The following LDAH variants were observed in gnomAD, a reference collection of about 807,000 sequenced individuals.
LDAH encodes lipid droplet associated hydrolase.
A neutral mutation model predicts 29.6 loss-of-function variants in LDAH; 26 were observed. That is an observed-to-expected ratio of 0.88 (90% CI 0.64 to 1.22). The LOEUF is 1.22. Among genes scored for constraint, LDAH ranks in the 50% most tolerant of loss-of-function variants. The pLI, the probability that LDAH is intolerant of heterozygous loss-of-function variation, is 0.00. For missense variants in LDAH, 344 were observed against 387.3 expected (o/e 0.89, Z 0.94); for synonymous variants, 117 against 133.0 (o/e 0.88, Z 0.83).
At chr2:20,789,185 C>A (rs1269360027) in intron 3 of LDAH, 8 of 1,550,540 alleles carry the variant, frequency 5.2e-6, no homozygotes, top group East Asian at 4.9e-5. Flanking sequence ...GCCCCCAAAT[C>A]CATAGGTGAA....
chr2:20,704,086 T>C (rs775487968), intron 5 of LDAH, among the ~76,000 whole-genome samples: 2 of 152,180 alleles, frequency 1.3e-5, no homozygotes, highest in East Asian at 1.9e-4. Flanking sequence ...AGAGAAGAAC[T>C]TGAATGAAAT....
chr2:20,699,292 C>A (rs368499083), intron 6 of LDAH, among the ~76,000 whole-genome samples: 5 of 151,892 alleles, frequency 3.3e-5, no homozygotes, highest in African/African-American at 1.2e-4. Context: ...ATTTCTAATC[C>A]CGGGCATTGG....
chr2:20,694,131 C>T (rs896697877), intron 6 of LDAH, among the ~76,000 whole-genome samples: 3 of 143,122 alleles, frequency 2.1e-5, no homozygotes, highest in Non-Finnish European at 3.0e-5. Context: ...AGTACCTACA[C>T]ATACAGGCCC....
chr2:20,758,380 A>G lies in LDAH; in HGVS notation c.468+16430T>C, dbSNP rs140046165. 3.2e-3 allele frequency among the ~76,000 whole-genome samples: 492 copies of G among 152,330 alleles called. 2 individuals carry two copies. The highest frequency in any genetic ancestry group is 7.0e-3 in the Admixed American group (107 of 15,294). ...AATAAAATGGAAATTTTATAGGCAAAAAATAGAATAACTAAAATTGAGGAT... is the reference window on the plus strand; with the variant it reads ...AATAAAATGGAAATTTTATAGGCAAGAAATAGAATAACTAAAATTGAGGAT... On this transcript the variant is annotated intron_variant, in intron 4 of 6. Transcript: ENST00000237822.
chr2:20,757,833 C>A (rs920868831), intron 4 of LDAH, among the ~76,000 whole-genome samples: 2 of 151,994 alleles, frequency 1.3e-5, no homozygotes, highest in East Asian at 3.9e-4. Flanking sequence ...AACATCAGCT[C>A]TTCCTGGGTC....
At chr2:20,723,125 T>C (rs1665776903) in intron 5 of LDAH, among the ~76,000 whole-genome samples, 1 of 152,182 alleles carries the variant, frequency 6.6e-6, no homozygotes, top group Non-Finnish European at 1.5e-5. Flanking sequence ...AATAAATAAA[T>C]ACACTGTAGT....
At chr2:20,776,270 T>G (rs999861133) in intron 3 of LDAH, among the ~76,000 whole-genome samples, 3 of 152,176 alleles carry the variant, frequency 2.0e-5, no homozygotes, top group Admixed American at 1.3e-4. Context: ...CCTTTTAGTC[T>G]AAGTCCTGTT....
At chr2:20,752,608 G>A (rs979077789) in intron 4 of LDAH, among the ~76,000 whole-genome samples, 1 of 149,794 alleles carries the variant, frequency 6.7e-6, no homozygotes, top group African/African-American at 2.5e-5. Context: ...ACAGGTCTTC[G>A]TACTGAAATA....
chr2:20,717,575 C>A (rs1220052873), intron 5 of LDAH, among the ~76,000 whole-genome samples: 27 of 152,178 alleles, frequency 1.8e-4, no homozygotes, highest in Admixed American at 1.8e-3. Context: ...GACAAACTGA[C>A]TACCACAAGA....
chr2:20,689,023 G>A (rs764508580), intron 6 of LDAH, among the ~76,000 whole-genome samples: 4 of 151,082 alleles, frequency 2.6e-5, no homozygotes, highest in Non-Finnish European at 4.4e-5. Flanking sequence ...GGTGTGTGAT[G>A]TTCCCCTCCC....
chr2:20,702,793 C>A (rs1403462083), intron 5 of LDAH, among the ~76,000 whole-genome samples: 1 of 152,208 alleles, frequency 6.6e-6, no homozygotes, highest in Non-Finnish European at 1.5e-5. Context: ...CATCCTGCCT[C>A]CATCCCTGTT....
rs370593371 is a variant in LDAH at position 20,703,688 on chromosome 2, T to C, written c.704-2036A>G. On this transcript the variant is annotated intron_variant, in intron 5 of 6. Transcript: ENST00000237822. ...AATATTTTTCTGAGTCAATTCTTCC[T>C]GGAGACCTCCTTTCCAGGACCCTGA... Among the ~76,000 whole-genome samples the C allele has an allele frequency of 1.5e-3, 227 of 152,332 alleles. 4 individuals are homozygous for C. In the South Asian group the frequency reaches 0.043, roughly 29 times the overall value.
At chr2:20,740,229 A>G in intron 4 of LDAH, 24 bp from the exon 5 acceptor site, 2 of 1,513,700 alleles carry the variant, frequency 1.3e-6, no homozygotes, top group Non-Finnish European at 1.8e-6. Context: ...GCATACTTTG[A>G]TGAGAGGTTT....
intron 3 of LDAH, among the ~76,000 whole-genome samples, chr2:20,786,906 A>G (rs949007477): frequency 1.3e-5 from 2 of 152,190 alleles, no homozygotes; most frequent in Admixed American, 1.3e-4. Flanking sequence ...GTTATTGAGA[A>G]TATTCTGGAC....
chr2:20,764,506 T>C (rs1668899106), intron 4 of LDAH, among the ~76,000 whole-genome samples: 1 of 152,234 alleles, frequency 6.6e-6, no homozygotes, highest in South Asian at 2.1e-4. Flanking sequence ...TTCAGTTTAA[T>C]TTCTGCCCTT....
At chr2:20,695,317 G>A (rs998427286) in intron 6 of LDAH, among the ~76,000 whole-genome samples, 2 of 152,184 alleles carry the variant, frequency 1.3e-5, no homozygotes, top group Non-Finnish European at 2.9e-5. Flanking sequence ...GAAAGTATCT[G>A]AAAAGGGGAT....
rs140587932 is a variant in LDAH at position 20,769,050 on chromosome 2, A to G, written c.468+5760T>C. Among the ~76,000 whole-genome samples, 33 of 152,172 alleles carry G rather than the reference A, an allele frequency of 2.2e-4. No individual in the cohort carries two copies. The East Asian group carries it at 6.4e-3, about 29-fold the overall frequency. On this transcript the variant is annotated intron_variant, in intron 4 of 6. Transcript: ENST00000237822. ...CTATCAACCTTGAATCTCATGCCCG[A>G]TCGACCCCTCCACGCACACTCTGCC...
chr2:20,801,974 G>A (rs1558493275), intron 1 of LDAH, among the ~76,000 whole-genome samples: 2 of 149,486 alleles, frequency 1.3e-5, no homozygotes, highest in Non-Finnish European at 3.0e-5. Flanking sequence ...GTGTGTGTGT[G>A]TGTATGTATG....
At chr2:20,695,150 T>C (rs111637531) in intron 6 of LDAH, among the ~76,000 whole-genome samples, 2,662 of 152,326 alleles carry the variant, frequency 0.017, 36 homozygotes, top group Middle Eastern at 0.065. Context: ...TTGGTAAAAA[T>C]CAAGTACTAT....
Sources: gnomAD v4.1 joint callset for allele counts (sites outside exome capture counted in the v4.1 genomes callset) on GRCh38, gnomAD v4.1.1 for gene constraint, MANE v1.5 for transcripts, NCBI Gene and HGNC (gene_info 2026-07-23, HGNC 2026-07-21) for gene names.